RNLS: variants seen among roughly 807,000 people sequenced by gnomAD.
The protein encoded by RNLS is renalase, FAD dependent amine oxidase.
A neutral mutation model predicts 39.8 loss-of-function variants in RNLS; 39 were observed. The ratio of observed to expected loss-of-function variants is 0.98; its 90% CI spans 0.76 to 1.28. The LOEUF (loss-of-function observed/expected upper bound fraction) is 1.28, where lower values mean the gene tolerates loss of function less well. Among genes scored for constraint, RNLS ranks in the 50% most tolerant of loss-of-function variants. The pLI is 0.00. For synonymous variants in RNLS, 147 were observed against 150.7 expected (o/e 0.98, Z 0.18); for missense variants, 410 against 413.3 (o/e 0.99, Z 0.07).
chr10:88,552,088 TA>T (rs899073190), intron 4 of RNLS, among the ~76,000 whole-genome samples: 1 of 152,184 alleles, frequency 6.6e-6, no homozygotes, highest in Non-Finnish European at 1.5e-5. Flanking sequence ...TTTAACACAT[TA>T]TCTTATTTAT....
intron 5 of RNLS, among the ~76,000 whole-genome samples, chr10:88,358,256 A>G (rs1224265854): frequency 6.6e-6 from 1 of 152,202 alleles, no homozygotes; most frequent in East Asian, 1.9e-4. Context: ...AAAAATCTCA[A>G]GTATTTCCCA....
In RNLS at chr10:88,573,025, A is replaced by T. The variant is rs758177204; in HGVS notation, c.404T>A (p.Ile135Asn). Residue 135 changes from isoleucine (I) to asparagine (N), a missense_variant, in exon 4 of 7, where the codon ATC (isoleucine) becomes AAC (asparagine). Coordinates refer to ENST00000331772, the MANE Select transcript of RNLS (RefSeq NM_001031709.3). ...TTCCCATTTGTCATCTCTTAGGTTG[A>T]TCTGTGTCACACGATGTCTGAAGTA... is the stretch of plus-strand genomic sequence containing the variant. ...EVYFRHRVTQ[I>N]NLRDDKWEVS... 1.2e-5 allele frequency: 19 copies of T among 1,613,864 alleles called. No homozygotes were observed. Among genetic ancestry groups the T allele is most frequent in the Non-Finnish European group, 1.5e-5 (18 of 1,179,898 alleles).
intron 4 of RNLS, among the ~76,000 whole-genome samples, chr10:88,563,335 T>G (rs1267352574): frequency 1.3e-5 from 2 of 152,146 alleles, no homozygotes; most frequent in African/African-American, 4.8e-5. Flanking sequence ...GTGAAAAGAA[T>G]CTTTATTTCA....
intron 4 of RNLS, among the ~76,000 whole-genome samples, chr10:88,394,212 G>T (rs1486224715): frequency 6.6e-6 from 1 of 152,120 alleles, no homozygotes; most frequent in African/African-American, 2.4e-5. Flanking sequence ...TTAAACTAAA[G>T]AACTTCTGCA....
At chr10:88,258,508 C>T in the RNLS span, among the ~76,000 whole-genome samples, 1 of 152,182 alleles carries the variant, frequency 6.6e-6, no homozygotes. Flanking sequence ...TACCTTCCCC[C>T]TAGGACTGTT....
At chr10:88,487,991 T>C (rs958744541) in intron 4 of RNLS, among the ~76,000 whole-genome samples, 3 of 152,120 alleles carry the variant, frequency 2.0e-5, no homozygotes, top group African/African-American at 7.2e-5. Context: ...AATCTGTAAT[T>C]CCATTTATAT....
chr10:88,253,267 G>A, the RNLS span, among the ~76,000 whole-genome samples: 1 of 152,164 alleles, frequency 6.6e-6, no homozygotes, highest in Non-Finnish European at 1.5e-5. Flanking sequence ...TGCTCACAAA[G>A]TTGCTTCATA....
chr10:88,574,417 C>T (rs1459294871), intron 3 of RNLS, among the ~76,000 whole-genome samples: 1 of 152,160 alleles, frequency 6.6e-6, no homozygotes, highest in South Asian at 2.1e-4. Flanking sequence ...GTAGCCACTC[C>T]AGCTCAGTGT....
intron 4 of RNLS, among the ~76,000 whole-genome samples, chr10:88,500,847 T>A (rs925880419): frequency 6.6e-6 from 1 of 152,148 alleles, no homozygotes; most frequent in African/African-American, 2.4e-5. Flanking sequence ...GTGGGAGATA[T>A]GCAATAATTG....
intron 5 of RNLS, among the ~76,000 whole-genome samples, chr10:88,334,191 T>C (rs889225787): frequency 1.3e-5 from 2 of 152,184 alleles, no homozygotes; most frequent in Admixed American, 6.5e-5. Context: ...ATCCCCCCAA[T>C]AGTAAATGAG....
At chr10:88,539,785 C>A (rs1847950270) in intron 4 of RNLS, among the ~76,000 whole-genome samples, 1 of 151,936 alleles carries the variant, frequency 6.6e-6, no homozygotes, top group South Asian at 2.1e-4. Flanking sequence ...ATAAAAGAAA[C>A]ATTTATACAA....
At chr10:88,571,632 G>A (rs1849845443) in intron 4 of RNLS, among the ~76,000 whole-genome samples, 1 of 152,144 alleles carries the variant, frequency 6.6e-6, no homozygotes, top group African/African-American at 2.4e-5. Context: ...CTGAGCAAGT[G>A]CAACTTCTTG....
chr10:88,290,916 G>GAAGGCATT (rs1843626197), intron 6 of RNLS, among the ~76,000 whole-genome samples: 1 of 152,166 alleles, frequency 6.6e-6, no homozygotes, highest in African/African-American at 2.4e-5. Flanking sequence ...CACTGGGAAA[G>GAAGGCATT]AAAGGTTTTC....
At chr10:88,456,115 C>A (rs1055772734) in intron 4 of RNLS, among the ~76,000 whole-genome samples, 3 of 152,156 alleles carry the variant, frequency 2.0e-5, no homozygotes, top group Non-Finnish European at 2.9e-5. Context: ...CTCCTGTTTT[C>A]TGTTTCAACT....
chr10:88,558,682 T>C (rs868716126), intron 4 of RNLS, among the ~76,000 whole-genome samples: 34 of 152,152 alleles, frequency 2.2e-4, no homozygotes, highest in South Asian at 1.2e-3. Flanking sequence ...TCTCAGGCAC[T>C]TAGAGAAAGA....
At chr10:88,466,943 T>C (rs1200462432) in intron 4 of RNLS, among the ~76,000 whole-genome samples, 2 of 152,192 alleles carry the variant, frequency 1.3e-5, no homozygotes, top group Non-Finnish European at 2.9e-5. Flanking sequence ...CAAGCTGACA[T>C]TGTCTATGAC....
chr10:88,328,958 G>A (rs1846860039), intron 5 of RNLS, among the ~76,000 whole-genome samples: 1 of 151,888 alleles, frequency 6.6e-6, no homozygotes, highest in South Asian at 2.1e-4. Context: ...CTGCATTTGT[G>A]AAATATAATT....
chr10:88,508,812 G>GA (rs199971183), intron 4 of RNLS, among the ~76,000 whole-genome samples: 1 of 149,820 alleles, frequency 6.7e-6, no homozygotes, highest in Non-Finnish European at 1.5e-5. Flanking sequence ...AAAATTTAAG[G>GA]AAAAAAAAAG....
chr10:88,446,854 T>A (rs970157466), intron 4 of RNLS, among the ~76,000 whole-genome samples: 1 of 152,172 alleles, frequency 6.6e-6, no homozygotes, highest in African/African-American at 2.4e-5. Flanking sequence ...CAAGGCTGGT[T>A]CAACATATGC....
Sources: gnomAD v4.1 joint callset for allele counts (sites outside exome capture counted in the v4.1 genomes callset) on GRCh38, gnomAD v4.1.1 for gene constraint, MANE v1.5 for transcripts, NCBI Gene and HGNC (gene_info 2026-07-23, HGNC 2026-07-21) for gene names.